Variants in TMEM232 observed in about 807,000 individuals in gnomAD.
TMEM232 encodes the protein transmembrane protein 232.
Under a neutral mutation model 78.8 loss-of-function variants are expected in TMEM232, and 80 were observed. The observed-to-expected ratio is 1.01, with a 90% CI of 0.85 to 1.22. The LOEUF is 1.22. Among genes scored for constraint, TMEM232 ranks in the 50% most tolerant of loss-of-function variants. The pLI is 0.00. For synonymous variants in TMEM232, 297 were observed against 254.3 expected (o/e 1.17, Z -1.60); for missense variants, 881 against 742.2 (o/e 1.19, Z -2.17).
At chr5:110,572,299 A>G (rs896955570) in intron 10 of TMEM232, among the ~76,000 whole-genome samples, 4 of 152,046 alleles carry the variant, frequency 2.6e-5, no homozygotes. Flanking sequence ...AAATAGCAAG[A>G]CTGAGATTGC....
chr5:110,583,010 A>T (rs1316797547), intron 10 of TMEM232, among the ~76,000 whole-genome samples: 2 of 152,008 alleles, frequency 1.3e-5, no homozygotes, highest in Non-Finnish European at 2.9e-5. Flanking sequence ...CTTAAATGAG[A>T]CACAAATGAA....
Position 110,618,656 on chromosome 5 carries a change from A to T in TMEM232, c.769-94T>A, listed in dbSNP as rs890178740. 2.4e-6 allele frequency: 3 copies of T among 1,260,270 alleles called. No individual in the cohort carries two copies. The African/African-American group carries it at 4.6e-5, about 19-fold the overall frequency. 78.1% of individuals were successfully genotyped at this position (1,260,270 alleles called of 1,614,324 possible). On this transcript the variant is annotated intron_variant, in intron 7 of 13. Coordinates refer to ENST00000455884, the MANE Select transcript of TMEM232 (RefSeq NM_001039763.4). ...ACAAACATGAAAATAAATTTTAAAT[A>T]TACAAATGAAAATGCATATTCTCTT...
intron 12 of TMEM232, among the ~76,000 whole-genome samples, chr5:110,437,059 A>C (rs1035283085): frequency 6.6e-6 from 1 of 152,020 alleles, no homozygotes. Flanking sequence ...TGTTTTAACA[A>C]TATTAATTCT....
chr5:110,602,315 G>GATCTAATTAAACTAA (rs1781013315), intron 10 of TMEM232, among the ~76,000 whole-genome samples: 1 of 152,058 alleles, frequency 6.6e-6, no homozygotes, highest in Non-Finnish European at 1.5e-5. Context: ...TTAAACTAAA[G>GATCTAATTAAACTAA]AGCTTCTGCA....
chr5:110,524,440 G>GA lies in TMEM232; in HGVS notation c.1703+4147dup, dbSNP rs1239479583. Among the ~76,000 whole-genome samples the GA allele has an allele frequency of 6.7e-5, 10 of 148,828 alleles. No individual in the cohort carries two copies. In the South Asian group the frequency reaches 8.6e-4, roughly 13 times the overall value. ...GAAAAGAAAAGAAAAGAAAAGAAAAGAAAGGAAAGAAAGAAAGAAAAAGAA... is the reference window on the plus strand; with the variant it reads ...GAAAAGAAAAGAAAAGAAAAGAAAAGAAAAGGAAAGAAAGAAAGAAAAAGAA... On this transcript the variant is annotated intron_variant, in intron 12 of 13. Coordinates refer to ENST00000455884, the MANE Select transcript of TMEM232 (RefSeq NM_001039763.4).
intron 3 of TMEM232, among the ~76,000 whole-genome samples, chr5:110,397,082 C>T (rs550066520): frequency 2.2e-4 from 34 of 152,178 alleles, no homozygotes; most frequent in African/African-American, 8.2e-4. Flanking sequence ...ACTATCTTCC[C>T]GTTATTTATA....
At chr5:110,633,581 C>T (rs1043517875) in intron 5 of TMEM232, among the ~76,000 whole-genome samples, 5 of 152,068 alleles carry the variant, frequency 3.3e-5, no homozygotes, top group Admixed American at 1.3e-4. Context: ...GTTCTCATGA[C>T]ATCTGATGGT....
chr5:110,737,674 G>T (rs1164781466), intron 1 of TMEM232, among the ~76,000 whole-genome samples: 1 of 151,980 alleles, frequency 6.6e-6, no homozygotes, highest in Non-Finnish European at 1.5e-5. Flanking sequence ...GCCTCTACAT[G>T]TCCTTTGCTC....
At chr5:110,720,979 C>G (rs1797533063) in intron 1 of TMEM232, 1 of 152,060 alleles carries the variant, frequency 6.6e-6, no homozygotes, top group African/African-American at 2.4e-5. Context: ...CATACAAAAT[C>G]TATGCCACAA....
intron 10 of TMEM232, among the ~76,000 whole-genome samples, chr5:110,587,790 T>G (rs1021275096): frequency 5.5e-5 from 8 of 144,964 alleles, no homozygotes; most frequent in African/African-American, 2.0e-4. Context: ...TATCTGTCAA[T>G]TATACCTCAA....
At chr5:110,427,516 T>C (rs1757373734) in intron 12 of TMEM232, among the ~76,000 whole-genome samples, 1 of 152,034 alleles carries the variant, frequency 6.6e-6, no homozygotes, top group South Asian at 2.1e-4. Context: ...AGAGAGACTT[T>C]TCAAGAAAGA....
chr5:110,568,738 G>C, intron 10 of TMEM232, 113 bp from the exon 11 acceptor site: 1 of 1,095,940 alleles, frequency 9.1e-7, no homozygotes, highest in South Asian at 1.7e-5. Flanking sequence ...ATATTCTAAA[G>C]TCTGAAATTC....
chr5:110,440,907 G>A (rs908646014), intron 12 of TMEM232, among the ~76,000 whole-genome samples: 8 of 152,096 alleles, frequency 5.3e-5, no homozygotes, highest in African/African-American at 1.2e-4. Context: ...TTGCTCACAT[G>A]TCCGATGCAG....
chr5:110,729,945 T>C (rs1439566704), upstream of TMEM232, among the ~76,000 whole-genome samples: 1 of 152,214 alleles, frequency 6.6e-6, no homozygotes, highest in African/African-American at 2.4e-5. Context: ...GCAATGACTG[T>C]TCTCTCAGGA....
intron 2 of TMEM232, among the ~76,000 whole-genome samples, chr5:110,414,405 GATGCATAC>G (rs1438839045): frequency 6.6e-6 from 1 of 152,136 alleles, no homozygotes; most frequent in Non-Finnish European, 1.5e-5. Flanking sequence ...ATATTAGATT[GATGCATAC>G]ATGTTTAGAA....
At chr5:110,486,825 A>T (rs1233659969) in intron 12 of TMEM232, among the ~76,000 whole-genome samples, 2 of 151,748 alleles carry the variant, frequency 1.3e-5, no homozygotes, top group African/African-American at 4.8e-5. Context: ...TATGAATTTT[A>T]GAATTTTTTT....
chr5:110,735,933 C>G (rs1799115124), intron 1 of TMEM232, among the ~76,000 whole-genome samples: 1 of 152,162 alleles, frequency 6.6e-6, no homozygotes, highest in Non-Finnish European at 1.5e-5. Context: ...AAGTAGAAGT[C>G]TTAACTAGAA....
Position 110,721,673 on chromosome 5 carries a change from G to GTATATATATATATATATATATATATA in TMEM232, c.-13+4953_-13+4954insTATATATATATATATATATATATATA, listed in dbSNP as rs10522202. Reference sequence around the variant, plus strand: ...GCATATCATGTGTGTGTGTGTGTGTGTATATATATATCTGTGTGTGTTAGT... The same window carrying GTATATATATATATATATATATATATA: ...GCATATCATGTGTGTGTGTGTGTGTGTATATATATATATATATATATATATATATATATATATCTGTGTGTGTTAGT... On this transcript the variant is annotated intron_variant, in intron 1 of 13. Coordinates refer to ENST00000455884, the MANE Select transcript of TMEM232 (RefSeq NM_001039763.4). 5.8e-3 allele frequency among the ~76,000 whole-genome samples: 206 copies of GTATATATATATATATATATATATATA among 35,464 alleles called. 45 individuals are homozygous for GTATATATATATATATATATATATATA. The highest frequency in any genetic ancestry group is 0.023 in the South Asian group (19 of 826). 23.3% of individuals were successfully genotyped at this position (35,464 alleles called of 152,430 possible).
intron 12 of TMEM232, among the ~76,000 whole-genome samples, chr5:110,468,590 A>G (rs1253139279): frequency 6.6e-6 from 1 of 152,146 alleles, no homozygotes; most frequent in Non-Finnish European, 1.5e-5. Flanking sequence ...TATTCGAATG[A>G]TATATAAAAA....
Sources: allele counts gnomAD v4.1 joint callset (sites outside exome capture counted in the v4.1 genomes callset), GRCh38; gene constraint gnomAD v4.1.1; transcripts MANE v1.5; gene names NCBI Gene and HGNC (gene_info 2026-07-23, HGNC 2026-07-21).